The following ANKDD1B variants were observed in gnomAD, a reference collection of about 807,000 sequenced individuals.
ANKDD1B encodes the protein ankyrin repeat and death domain containing 1B, also known as ankyrin repeat and death domain-containing protein 1B.
ANKDD1B carries 57 observed loss-of-function variants against 59.7 expected under a neutral mutation model. The ratio of observed to expected loss-of-function variants is 0.95; its 90% confidence interval spans 0.77 to 1.19. ANKDD1B has a LOEUF of 1.19. ANKDD1B is among the 50% of genes most tolerant of loss of function. The pLI is 0.00. For synonymous variants in ANKDD1B, 216 were observed against 239.5 expected, an observed-to-expected ratio of 0.90 and a Z score of 0.91; for missense variants, 602 against 641.9, an observed-to-expected ratio of 0.94 and a Z score of 0.67.
At chr5:75,625,196 A>G (rs1773957366) in intron 3 of ANKDD1B, among the ~76,000 whole-genome samples, 1 of 151,894 alleles carries the variant, frequency 6.6e-6, no homozygotes, top group South Asian at 2.1e-4. Flanking sequence ...TTCTTTGTCC[A>G]TTTTTCTGAG....
At chr5:75,651,123 C>T (rs1774818408) in intron 7 of ANKDD1B, among the ~76,000 whole-genome samples, 1 of 152,144 alleles carries the variant, frequency 6.6e-6, no homozygotes, top group Admixed American at 6.5e-5. Context: ...GAATTTCTGC[C>T]ATATTCTATT....
intron 11 of ANKDD1B, among the ~76,000 whole-genome samples, chr5:75,663,767 C>T: frequency 6.6e-6 from 1 of 152,194 alleles, no homozygotes; most frequent in East Asian, 1.9e-4. Context: ...GCGTGTGAGC[C>T]CCTGATGGGT....
chr5:75,651,082 G>A (rs1181526842), intron 7 of ANKDD1B, among the ~76,000 whole-genome samples: 1 of 152,224 alleles, frequency 6.6e-6, no homozygotes. Context: ...TGCCAGGCTA[G>A]TTAGGGGCCA....
At chr5:75,622,898 C>G (rs948179469) in intron 3 of ANKDD1B, among the ~76,000 whole-genome samples, 18 of 152,248 alleles carry the variant, frequency 1.2e-4, no homozygotes, top group Admixed American at 1.1e-3. Flanking sequence ...AATGGCTCCA[C>G]TCTGAGTTTG....
At chr5:75,661,837 A>G (rs1179399758) in intron 10 of ANKDD1B, among the ~76,000 whole-genome samples, 2 of 148,856 alleles carry the variant, frequency 1.3e-5, no homozygotes, top group Admixed American at 1.3e-4. Context: ...TCTGGCACAT[A>G]GTTGGCACCC....
At chr5:75,628,967 G>A (rs149841516) in intron 5 of ANKDD1B, among the ~76,000 whole-genome samples, 2 of 152,180 alleles carry the variant, frequency 1.3e-5, no homozygotes, top group African/African-American at 4.8e-5. Context: ...TCATATATTT[G>A]TTGAATATTT....
In ANKDD1B at chr5:75,644,098, C is replaced by T. The variant is rs1294659344; in HGVS notation, c.798+8216C>T. ...GCCCTAAAAGAGCTCCTGAAGGAAG[C>T]GCTAAACATGGAAAGGAACAACTGG... On this transcript the variant is annotated intron_variant, in intron 7 of 13. Transcript: ENST00000601380. Among the ~76,000 whole-genome samples the T allele has an allele frequency of 1.3e-4, 14 of 106,954 alleles. No individual in the cohort carries two copies. The South Asian group carries it at 2.4e-3, about 18-fold the overall frequency. The allele number at this position is 106,954 out of a possible 152,430, so 70.2% of individuals were successfully genotyped here.
intron 7 of ANKDD1B, among the ~76,000 whole-genome samples, chr5:75,648,678 A>G (rs990555839): frequency 6.6e-6 from 1 of 152,102 alleles, no homozygotes; most frequent in Non-Finnish European, 1.5e-5. Flanking sequence ...ACACTTCTCA[A>G]TCAACAACCT....
intron 11 of ANKDD1B, among the ~76,000 whole-genome samples, chr5:75,665,437 G>A (rs931154352): frequency 6.6e-6 from 1 of 152,206 alleles, no homozygotes; most frequent in African/African-American, 2.4e-5. Context: ...ATTGTTTCAG[G>A]AGATGGAATG....
chr5:75,633,064 T>C (rs1010516171), intron 5 of ANKDD1B, among the ~76,000 whole-genome samples: 3 of 152,362 alleles, frequency 2.0e-5, no homozygotes, highest in Non-Finnish European at 1.5e-5. Context: ...TATTGATATA[T>C]CAAACACAAT....
intron 10 of ANKDD1B, among the ~76,000 whole-genome samples, 178 bp from the exon 11 acceptor site, chr5:75,663,216 C>A (rs1025549053): frequency 9.2e-5 from 14 of 152,174 alleles, no homozygotes; most frequent in African/African-American, 3.4e-4. Flanking sequence ...ATCACATTTA[C>A]CCCTGACCAC....
intron 7 of ANKDD1B, 88 bp downstream of exon 7, chr5:75,635,970 A>T (rs1053248997): frequency 1.3e-6 from 1 of 793,884 alleles, no homozygotes; most frequent in Non-Finnish European, 2.0e-6. Context: ...GAGGAAAACA[A>T]AGGTGTTAGT....
At chr5:75,662,731 G>A (rs1475535790) in intron 10 of ANKDD1B, among the ~76,000 whole-genome samples, 1 of 151,966 alleles carries the variant, frequency 6.6e-6, no homozygotes, top group Non-Finnish European at 1.5e-5. Flanking sequence ...TACCATGTGG[G>A]CTCCAGGCAG....
At chr5:75,620,615 G>A (rs1355036567) in intron 3 of ANKDD1B, among the ~76,000 whole-genome samples, 1 of 152,046 alleles carries the variant, frequency 6.6e-6, no homozygotes, top group Non-Finnish European at 1.5e-5. Context: ...TTTACCTATG[G>A]GACCTGGGTT....
chr5:75,641,563 T>G (rs1774461956), intron 7 of ANKDD1B, among the ~76,000 whole-genome samples: 1 of 152,196 alleles, frequency 6.6e-6, no homozygotes, highest in Admixed American at 6.5e-5. Context: ...ATACCAACAC[T>G]GTATAAACAG....
chr5:75,630,196 A>G (rs1266074120), intron 5 of ANKDD1B, among the ~76,000 whole-genome samples: 1 of 152,170 alleles, frequency 6.6e-6, no homozygotes, highest in Non-Finnish European at 1.5e-5. Context: ...AGGATTGGGT[A>G]GTTAAAAAAA....
At chr5:75,622,386 A>G (rs1362261283) in intron 3 of ANKDD1B, among the ~76,000 whole-genome samples, 1 of 152,222 alleles carries the variant, frequency 6.6e-6, no homozygotes, top group African/African-American at 2.4e-5. Context: ...GGTATGAAAT[A>G]GAGTCATGGC....
chr5:75,635,001 G>T lies in ANKDD1B; in HGVS notation c.699+5G>T, dbSNP rs1209047012. 6.6e-7 allele frequency: 1 copy of T among 1,516,182 alleles called. No individual in the cohort carries two copies. The allele number at this position is 1,516,182 out of a possible 1,614,324, so 93.9% of individuals were successfully genotyped here. ...CATACTTCAGAAAAGGACAAGGTGA[G>T]TTGGACTTTTATTTCTTTGCTGAGA... On this transcript the variant is annotated splice_donor_5th_base_variant and intron_variant, in intron 6 of 13. Transcript: ENST00000601380.
intron 7 of ANKDD1B, among the ~76,000 whole-genome samples, chr5:75,651,922 A>G (rs147344486): frequency 6.6e-6 from 1 of 152,300 alleles, no homozygotes; most frequent in East Asian, 1.9e-4. Context: ...GTCTTGCTGT[A>G]TCCTCACATG....
Sources: gnomAD v4.1 joint callset for allele counts (sites outside exome capture counted in the v4.1 genomes callset) on GRCh38, gnomAD v4.1.1 for gene constraint, MANE v1.5 for transcripts, NCBI Gene and HGNC (gene_info 2026-07-23, HGNC 2026-07-21) for gene names.